MROH9: variants seen among roughly 807,000 people sequenced by gnomAD.
The protein encoded by MROH9 is maestro heat-like repeat-containing protein family member 9.
A neutral mutation model predicts 98.2 loss-of-function variants in MROH9; 92 were observed. That is an observed-to-expected ratio of 0.94 (90% CI 0.79 to 1.11). The LOEUF (loss-of-function observed/expected upper bound fraction) is 1.11. Ranked by LOEUF, MROH9 falls within the 50% of genes most tolerant of loss-of-function variation. The pLI, the probability that MROH9 is intolerant of heterozygous loss-of-function variation, is 0.00. For missense variants in MROH9, 1,057 were observed against 1,014.8 expected, an observed-to-expected ratio of 1.04 and a Z score of -0.57; for synonymous variants, 397 against 368.9, an observed-to-expected ratio of 1.08 and a Z score of -0.87.
At chr1:170,956,025 C>T (rs1412720739) in intron 3 of MROH9, among the ~76,000 whole-genome samples, 1 of 152,098 alleles carries the variant, frequency 6.6e-6, no homozygotes, top group African/African-American at 2.4e-5. Flanking sequence ...GTTTCATTCT[C>T]CTGCATGTGG....
At chr1:171,009,829 C>T (rs1188829426) in intron 15 of MROH9, among the ~76,000 whole-genome samples, 1 of 152,124 alleles carries the variant, frequency 6.6e-6, no homozygotes, top group African/African-American at 2.4e-5. Context: ...TTCCACAACC[C>T]AAAGAAGGGC....
chr1:170,958,481 A>C lies in MROH9; in HGVS notation c.93A>C (p.Leu31=). 1 of 1,582,624 alleles carries C rather than the reference A, an allele frequency of 6.3e-7. No individual in the cohort carries two copies. The highest frequency in any genetic ancestry group is 1.1e-5 in the South Asian group (1 of 87,652). ...WHHMAHKVNS[L]LDAYSGLLSN... is the part of the protein sequence containing the mutation. Reference sequence around the variant, plus strand: ...CTTAGGCACATAAAGTTAACAGCCTATTGGATGCATACTCAGGCCTGTTAA... The same window carrying C: ...CTTAGGCACATAAAGTTAACAGCCTCTTGGATGCATACTCAGGCCTGTTAA... The change falls in exon 4 of 22, where the codon CTA becomes CTC. Residue 31 remains leucine (L), a synonymous_variant. Transcript: ENST00000367759.
At chr1:170,972,829 T>TATACACACAC (rs113056364) in intron 8 of MROH9, among the ~76,000 whole-genome samples, 1 of 128,682 alleles carries the variant, frequency 7.8e-6, no homozygotes. Flanking sequence ...AAAAAAAAAA[T>TATACACACAC]ACACACACAC....
intron 1 of MROH9, among the ~76,000 whole-genome samples, chr1:170,938,036 T>C (rs1241860099): frequency 1.3e-5 from 2 of 152,158 alleles, no homozygotes; most frequent in African/African-American, 4.8e-5. Context: ...AAGGGATCTT[T>C]TGTATTGCAG....
rs1654108402 is a variant in MROH9 at position 171,064,453 on chromosome 1, G to C, written c.*113G>C. On this transcript the variant is annotated 3_prime_UTR_variant, in exon 22 of 22. Transcript: ENST00000367759. ...CTTTCCCTCCTGACAACTTGAGTCT[G>C]TTTGTAGATGCTTTTCTGAAAAATT... 3 of 1,082,088 alleles carry C rather than the reference G, an allele frequency of 2.8e-6. No individual in the cohort carries two copies. The highest frequency in any genetic ancestry group is 2.5e-6 in the Non-Finnish European group (2 of 788,226). 67.0% of individuals were successfully genotyped at this position (1,082,088 alleles called of 1,614,324 possible). A position where few individuals can be genotyped will look rare whatever the true frequency, so the allele number is the denominator to read the frequency against.
intron 9 of MROH9, among the ~76,000 whole-genome samples, chr1:170,983,920 A>C (rs538467614): frequency 6.6e-6 from 1 of 152,354 alleles, no homozygotes; most frequent in South Asian, 2.1e-4. Flanking sequence ...ATCTGCAAAC[A>C]TCATAATGAC....
chr1:170,996,440 G>C lies in MROH9; in HGVS notation c.1338-67G>C. ...TGCCCAAGATGGGATTAAAAGGCAGGTAATGTGTATTTAGTTTTTTGAATA... is the reference window on the plus strand; with the variant it reads ...TGCCCAAGATGGGATTAAAAGGCAGCTAATGTGTATTTAGTTTTTTGAATA... On this transcript the variant is annotated intron_variant, in intron 13 of 21. Coordinates refer to ENST00000367759, the MANE Select transcript of MROH9 (RefSeq NM_001163629.2). 5.1e-6 allele frequency: 8 copies of C among 1,560,354 alleles called. No individual in the cohort carries two copies. The South Asian group carries it at 9.3e-5, about 18-fold the overall frequency.
chr1:171,009,169 A>G (rs935944978), intron 15 of MROH9, among the ~76,000 whole-genome samples: 1 of 151,974 alleles, frequency 6.6e-6, no homozygotes, highest in African/African-American at 2.4e-5. Context: ...GATGGAAATG[A>G]GACTCTCAAA....
chr1:170,937,657 G>A (rs1218302244), intron 1 of MROH9, among the ~76,000 whole-genome samples: 2 of 149,732 alleles, frequency 1.3e-5, no homozygotes, highest in African/African-American at 4.9e-5. Context: ...AAGTAGCTGG[G>A]ACTACAGGCG....
intron 15 of MROH9, among the ~76,000 whole-genome samples, chr1:171,012,799 G>A (rs1368264080): frequency 1.3e-5 from 2 of 152,030 alleles, no homozygotes; most frequent in Non-Finnish European, 2.9e-5. Flanking sequence ...CACCGCACCC[G>A]GCCAAAACTA....
At chr1:170,970,643 T>C (rs1037657247) in intron 7 of MROH9, among the ~76,000 whole-genome samples, 2 of 152,102 alleles carry the variant, frequency 1.3e-5, no homozygotes, top group East Asian at 1.9e-4. Flanking sequence ...AATTCAATTA[T>C]GGCCTTCGCC....
chr1:171,057,855 T>A (rs535666422), intron 20 of MROH9, among the ~76,000 whole-genome samples: 1 of 152,194 alleles, frequency 6.6e-6, no homozygotes, highest in Non-Finnish European at 1.5e-5. Context: ...GAATTTCATA[T>A]CCAGCCAAAA....
At chr1:170,989,029 T>A (rs1416825353) in intron 10 of MROH9, among the ~76,000 whole-genome samples, 2 of 152,186 alleles carry the variant, frequency 1.3e-5, no homozygotes, top group African/African-American at 2.4e-5. Context: ...TTTTTAACAT[T>A]TATAATTTTT....
In MROH9 at chr1:170,959,501, G is replaced by C. The variant is rs1557874122; in HGVS notation, c.192G>C (p.Lys64Asn). The C allele has an allele frequency of 3.7e-6, 6 of 1,613,076 alleles. No individual in the cohort carries two copies. The highest frequency in any genetic ancestry group is 5.1e-6 in the Non-Finnish European group (6 of 1,179,542). The stretch of plus-strand genomic sequence containing the variant: ...TACTGCAGTTTGAATCTCAGTTGAA[G>C]ATAATAGAGTCATCCTTTGGAATGC... ...DPLLQFESQL[K>N]IIESSFGMLV... The change falls in exon 5 of 22, where the codon AAG becomes AAC. Residue 64 changes from lysine to asparagine, a missense_variant. Transcript: ENST00000367759.
intron 15 of MROH9, among the ~76,000 whole-genome samples, chr1:171,001,693 G>A (rs1020657213): frequency 1.3e-5 from 2 of 151,962 alleles, no homozygotes; most frequent in Non-Finnish European, 2.9e-5. Flanking sequence ...AAGTTCCGCT[G>A]TTGAACAGAA....
chr1:171,047,989 T>A (rs1258480591), intron 20 of MROH9, among the ~76,000 whole-genome samples: 1 of 152,208 alleles, frequency 6.6e-6, no homozygotes, highest in African/African-American at 2.4e-5. Flanking sequence ...CTTCCCTTAC[T>A]TTTTGCCAAA....
At chr1:170,970,582 AG>A (rs1402178006) in intron 7 of MROH9, among the ~76,000 whole-genome samples, 1 of 152,142 alleles carries the variant, frequency 6.6e-6, no homozygotes, top group East Asian at 1.9e-4. Context: ...ATGGAAAAAA[AG>A]AGATTTATAA....
chr1:170,965,219 G>A lies in MROH9; in HGVS notation c.444G>A (p.Lys148=), dbSNP rs547225743. The A allele has an allele frequency of 6.2e-7, 1 of 1,611,790 alleles. No homozygotes were observed. The highest frequency in any genetic ancestry group is 1.1e-5 in the South Asian group (1 of 90,886). The part of the protein sequence containing the change: ...LQERIMVIIN[K]VLRFTVTKVR... The stretch of plus-strand genomic sequence containing the variant: ...AGAGAATAATGGTGATCATCAACAA[G>A]GTGTTAAGATTTACAGTCACAAAAG... The change falls in exon 7 of 22, where the codon AAG becomes AAA. Residue 148 remains lysine (K), a synonymous_variant. Transcript: ENST00000367759.
At chr1:171,024,013 C>G (rs908110431) in intron 17 of MROH9, among the ~76,000 whole-genome samples, 1 of 152,152 alleles carries the variant, frequency 6.6e-6, no homozygotes, top group Admixed American at 6.5e-5. Flanking sequence ...ATTTGTCTTT[C>G]TGTCCCTGAC....
Sources: gnomAD v4.1 joint callset for allele counts (sites outside exome capture counted in the v4.1 genomes callset) on GRCh38, gnomAD v4.1.1 for gene constraint, MANE v1.5 for transcripts, NCBI Gene and HGNC (gene_info 2026-07-23, HGNC 2026-07-21) for gene names.